Variants in NMT1 observed in about 807,000 individuals in gnomAD.
NMT1 encodes the protein glycylpeptide N-tetradecanoyltransferase 1.
NMT1 carries 12 observed loss-of-function variants against 63.4 expected under a neutral mutation model. That is an observed-to-expected ratio of 0.19 (90% CI 0.12 to 0.31). The LOEUF is 0.31. Ranked by LOEUF, NMT1 falls within the 10% of genes least tolerant of loss-of-function variation. NMT1 has a pLI of 1.00. For missense variants in NMT1, 432 were observed against 634.6 expected (o/e 0.68, Z 3.43); for synonymous variants, 228 against 234.3 (o/e 0.97, Z 0.25).
Position 45,104,628 on chromosome 17 carries a change from A to G in NMT1, c.1333-231A>G. 2.2e-6 allele frequency: 3 copies of G among 1,377,448 alleles called. No homozygotes were observed. Among genetic ancestry groups the G allele is most frequent in the Non-Finnish European group, 2.8e-6 (3 of 1,064,362 alleles). The allele number at this position is 1,377,448 out of a possible 1,614,324, so 85.3% of individuals were successfully genotyped here. ...GAGCCCCGGCCTGGACACTGAGTAC[A>G]TATGTGTACACTCTGAGGGACACTG... On this transcript the variant is annotated intron_variant, in intron 10 of 11. Coordinates refer to ENST00000258960, the MANE Select transcript of NMT1 (RefSeq NM_021079.5). This position sits in a 1 kb window ranked among gnomAD's most constrained non-coding sequence, Gnocchi z 4.2.
chr17:45,068,111 C>T (rs1024788941), intron 1 of NMT1, among the ~76,000 whole-genome samples: 5 of 152,164 alleles, frequency 3.3e-5, no homozygotes, highest in Non-Finnish European at 7.3e-5. Flanking sequence ...AGAAGATGTC[C>T]TTGTGATTGT....
chr17:45,068,181 G>A (rs1016677427), intron 1 of NMT1, among the ~76,000 whole-genome samples: 1 of 152,126 alleles, frequency 6.6e-6, no homozygotes, highest in African/African-American at 2.4e-5. Flanking sequence ...TACTAAACCG[G>A]AATTCCTCCA....
chr17:45,100,554 C>T (rs2054155100), intron 8 of NMT1, among the ~76,000 whole-genome samples: 1 of 145,796 alleles, frequency 6.9e-6, no homozygotes, highest in Admixed American at 7.0e-5. Context: ...GGCGACAGAG[C>T]GAGACTCCGT....
chr17:45,085,050 C>G (rs2054043252), intron 2 of NMT1, among the ~76,000 whole-genome samples: 1 of 151,762 alleles, frequency 6.6e-6, no homozygotes, highest in African/African-American at 2.4e-5. Context: ...GAGTTCGAGG[C>G]CAGCCCAGGC....
chr17:45,093,987 C>T (rs956386105), intron 4 of NMT1, among the ~76,000 whole-genome samples, 184 bp downstream of exon 4: 2 of 152,362 alleles, frequency 1.3e-5, no homozygotes, highest in Non-Finnish European at 2.9e-5. Context: ...CTTAGCTTTT[C>T]TGGCAGGTTG....
At chr17:45,101,529 G>A (rs1307867098) in intron 8 of NMT1, among the ~76,000 whole-genome samples, 2 of 143,986 alleles carry the variant, frequency 1.4e-5, no homozygotes, top group Non-Finnish European at 3.0e-5. Flanking sequence ...TGAGGCAGCA[G>A]AGTTGCTTGA....
chr17:45,096,673 C>T (rs538110248), intron 5 of NMT1, among the ~76,000 whole-genome samples: 8 of 152,194 alleles, frequency 5.3e-5, no homozygotes, highest in African/African-American at 1.7e-4. Flanking sequence ...GCCCAGGCCA[C>T]GTTTAATATC....
chr17:45,082,455 T>C (rs987592956), intron 2 of NMT1, among the ~76,000 whole-genome samples: 4 of 152,002 alleles, frequency 2.6e-5, no homozygotes, highest in African/African-American at 9.7e-5. Flanking sequence ...TTGCAAACAT[T>C]CTCTTAATGC....
intron 6 of NMT1, among the ~76,000 whole-genome samples, chr17:45,097,567 G>A (rs536308397): frequency 1.3e-5 from 2 of 152,072 alleles, no homozygotes; most frequent in East Asian, 3.9e-4. Context: ...TGTTGCCCAC[G>A]CTAGTCTCAA....
At position 45,069,323 on chromosome 17, in the gene NMT1, G is replaced by T. The variant is rs552282490; in HGVS notation, c.131+7863G>T. ...TTATTTATTTTTGAGACAGAGTCTC[G>T]CTCTGTTGCCCAGGCTGGAGTGCAG... On this transcript the variant is annotated intron_variant, in intron 1 of 11. Coordinates refer to ENST00000258960, the MANE Select transcript of NMT1 (RefSeq NM_021079.5). Among the ~76,000 whole-genome samples, 9 of 132,580 alleles carry T rather than the reference G, an allele frequency of 6.8e-5. No individual in the cohort carries two copies. In the South Asian group the frequency reaches 2.2e-3, roughly 33 times the overall value. The allele number at this position is 132,580 out of a possible 152,430, so 87.0% of individuals were successfully genotyped here.
In NMT1 at chr17:45,061,320, G is replaced by C. The variant is rs1345027263; in HGVS notation, c.-10G>C. 1 of 1,612,572 alleles carries C rather than the reference G, an allele frequency of 6.2e-7. No individual in the cohort carries two copies. The highest frequency in any genetic ancestry group is 1.1e-5 in the South Asian group (1 of 90,944). ...TAGTGGGGCGCGGAGCCCTGCTCTC[G>C]CAACTCAAGATGGCGGACGAGAGTG... On this transcript the variant is annotated 5_prime_UTR_variant, in exon 1 of 12. Coordinates refer to ENST00000258960, the MANE Select transcript of NMT1 (RefSeq NM_021079.5).
Position 45,102,944 on chromosome 17 carries a change from C to T in NMT1, c.994-7C>T, listed in dbSNP as rs761534426. 6.2e-7 allele frequency: 1 copy of T among 1,605,184 alleles called. No individual in the cohort carries two copies. Among genetic ancestry groups the T allele is most frequent in the Admixed American group, 1.7e-5 (1 of 59,724 alleles). The stretch of plus-strand genomic sequence containing the variant: ...ATCTCACTCCATCTCTTCTGTCTTG[C>T]CTCCAGACTCCCAAGACAGCTGGGC... On this transcript the variant is annotated splice_region_variant and splice_polypyrimidine_tract_variant and intron_variant, in intron 8 of 11. Transcript: ENST00000258960.
In NMT1 at chr17:45,106,934, G is replaced by A. The variant is rs1206537935; in HGVS notation, c.*1295G>A. 2 of 152,320 alleles carry A rather than the reference G, an allele frequency of 1.3e-5. No homozygotes were observed. Among genetic ancestry groups the A allele is most frequent in the African/African-American group, 2.4e-5 (1 of 41,454 alleles). The allele number at this position is 152,320 out of a possible 1,614,324, so 9.4% of individuals were successfully genotyped here. A position where few individuals can be genotyped will look rare whatever the true frequency, so the allele number is the denominator to read the frequency against. ...TCAAGCCTCTGGTCACATGGCTGTC[G>A]ATGTAGGCATTCTGGAGTGGTGTTC... On this transcript the variant is annotated 3_prime_UTR_variant, in exon 12 of 12. Coordinates refer to ENST00000258960, the MANE Select transcript of NMT1 (RefSeq NM_021079.5).
intron 2 of NMT1, among the ~76,000 whole-genome samples, chr17:45,085,699 C>G (rs999341407): frequency 1.3e-5 from 2 of 152,098 alleles, no homozygotes; most frequent in Non-Finnish European, 2.9e-5. Context: ...GGGGAGAAAC[C>G]CTGCGGGCAG....
Position 45,103,669 on chromosome 17 carries a change from G to T in NMT1, c.1165-40G>T, listed in dbSNP as rs2054183016. ...TTTGTTCCCGGGCCGCAGTGCCACTGTGCATGCTTGACATTGCCTCTTTAT... is the reference window on the plus strand; with the variant it reads ...TTTGTTCCCGGGCCGCAGTGCCACTTTGCATGCTTGACATTGCCTCTTTAT... On this transcript the variant is annotated intron_variant, in intron 9 of 11. Transcript: ENST00000258960. This position sits in a 1 kb window ranked among gnomAD's most constrained non-coding sequence, Gnocchi z 4.8. The T allele has an allele frequency of 6.3e-7, 1 of 1,585,306 alleles. No homozygotes were observed. The highest frequency in any genetic ancestry group is 1.7e-5 in the Admixed American group (1 of 57,744).
intron 3 of NMT1, among the ~76,000 whole-genome samples, chr17:45,091,957 G>A (rs2054091471): frequency 6.6e-6 from 1 of 152,144 alleles, no homozygotes; most frequent in Non-Finnish European, 1.5e-5. Context: ...GGAGGTCGAG[G>A]CTGTAGTGAA....
intron 4 of NMT1, among the ~76,000 whole-genome samples, 171 bp from the exon 5 acceptor site, chr17:45,096,023 G>A (rs1271314222): frequency 1.3e-5 from 2 of 152,156 alleles, no homozygotes; most frequent in African/African-American, 4.8e-5. Flanking sequence ...CTATAACTAG[G>A]GTGTTTGCTC....
At chr17:45,091,812 G>A (rs900757334) in intron 3 of NMT1, among the ~76,000 whole-genome samples, 15 of 152,184 alleles carry the variant, frequency 9.9e-5, no homozygotes, top group Non-Finnish European at 2.2e-4. Context: ...GATCACTTGA[G>A]TCTAGGAGTT....
In NMT1 at chr17:45,061,336, G is replaced by C. The variant is rs772761859; in HGVS notation, c.7G>C (p.Asp3His). Reference sequence around the variant, plus strand: ...CCTGCTCTCGCAACTCAAGATGGCGGACGAGAGTGAGACAGCAGTGAAGCC... The same window carrying C: ...CCTGCTCTCGCAACTCAAGATGGCGCACGAGAGTGAGACAGCAGTGAAGCC... The part of the protein sequence containing the change: MA[D>H]ESETAVKPPA... The change falls in exon 1 of 12, where the codon GAC becomes CAC. Residue 3 changes from aspartate (D) to histidine (H), a missense_variant. Around this residue, in one of 4 missense-constraint regions of NMT1, gnomAD observed 121 missense variants for 103.7 expected, o/e 1.17. Coordinates refer to ENST00000258960, the MANE Select transcript of NMT1 (RefSeq NM_021079.5). 2.2e-5 allele frequency: 36 copies of C among 1,613,514 alleles called. No homozygotes were observed. The highest frequency in any genetic ancestry group is 2.8e-5 in the Non-Finnish European group (33 of 1,179,826).
Sources: gnomAD v4.1 joint callset for allele counts (sites outside exome capture counted in the v4.1 genomes callset) on GRCh38, gnomAD v4.1.1 for gene constraint, gnomAD v4.1.1 regional missense constraint, Gnocchi (gnomAD v3.1) non-coding constraint, MANE v1.5 for transcripts, NCBI Gene and HGNC (gene_info 2026-07-23, HGNC 2026-07-21) for gene names.